Variants in CYTH1 observed in about 807,000 individuals in gnomAD.
The protein encoded by CYTH1 is cytohesin 1.
Under a neutral mutation model 61.8 loss-of-function variants are expected in CYTH1, and 18 were observed. That is an observed-to-expected ratio of 0.29 (90% CI 0.20 to 0.43). CYTH1 has a LOEUF of 0.43. Among genes scored for constraint, CYTH1 ranks in the 20% least tolerant of loss-of-function variants. The pLI is 1.00. For missense variants in CYTH1, 336 were observed against 510.5 expected (o/e 0.66, Z 3.29); for synonymous variants, 174 against 184.3 (o/e 0.94, Z 0.45).
intron 1 of CYTH1, among the ~76,000 whole-genome samples, chr17:78,731,603 C>G (rs1257764370): frequency 1.3e-5 from 2 of 151,826 alleles, no homozygotes; most frequent in East Asian, 3.9e-4. Flanking sequence ...ACTAAAAATA[C>G]AAAAAATAGC....
Position 78,688,643 on chromosome 17 carries a change from G to A in CYTH1, c.891+3774C>T, listed in dbSNP as rs537603793. On this transcript the variant is annotated intron_variant, in intron 11 of 13. Transcript: ENST00000446868. ...AGACACGAAGAATGATGCTTTCAGC[G>A]CAGACATATTTGATGAAGTGGTGGC... Among the ~76,000 whole-genome samples, 12 of 152,344 alleles carry A rather than the reference G, an allele frequency of 7.9e-5. No individual in the cohort carries two copies. In the East Asian group the frequency reaches 2.1e-3, roughly 27 times the overall value.
chr17:78,683,573 C>G (rs1477033427), intron 11 of CYTH1, among the ~76,000 whole-genome samples: 3 of 152,188 alleles, frequency 2.0e-5, no homozygotes, highest in Non-Finnish European at 4.4e-5. Flanking sequence ...TGAGGAGAAG[C>G]TGGGGGTGGG....
chr17:78,737,329 T>C (rs999856123), intron 1 of CYTH1, among the ~76,000 whole-genome samples: 1 of 152,224 alleles, frequency 6.6e-6, no homozygotes, highest in Non-Finnish European at 1.5e-5. Context: ...TGCTATATTG[T>C]TTAAAGAAAA....
intron 1 of CYTH1, among the ~76,000 whole-genome samples, chr17:78,769,738 C>T (rs72849504): frequency 0.11 from 16,223 of 152,160 alleles, 1,227 homozygotes; most frequent in Non-Finnish European, 0.16. Flanking sequence ...ATCTGCGAGC[C>T]GGATGCAGTG....
chr17:78,686,726 G>T (rs1356826422), intron 11 of CYTH1, among the ~76,000 whole-genome samples: 1 of 152,292 alleles, frequency 6.6e-6, no homozygotes, highest in Non-Finnish European at 1.5e-5. Flanking sequence ...AGGCAGGGGA[G>T]GGAAGATGGT....
At chr17:78,722,181 A>G (rs1013671053) in intron 1 of CYTH1, among the ~76,000 whole-genome samples, 3 of 152,264 alleles carry the variant, frequency 2.0e-5, no homozygotes, top group Middle Eastern at 3.2e-3. Context: ...TTAGAAAAAT[A>G]AAGTTAACAT....
rs2093089785 is a variant in CYTH1, at chr17:78,708,251, T to C, written c.116A>G (p.Asp39Gly). 6.2e-7 allele frequency: 1 copy of C among 1,612,584 alleles called. No homozygotes were observed. The highest frequency in any genetic ancestry group is 1.7e-5 in the Admixed American group (1 of 59,580). ...TTCATTAGCTACTTCTGCTATCTCA[T>C]CCTTCAGCCTCTATAAAACAGACAG... ...ELLADIQRLK[D>G]EIAEVANEIE... The change falls in exon 3 of 14, where the codon GAT becomes GGT. Residue 39 changes from aspartate (D) to glycine (G), a missense_variant. By Grantham distance (94) the Asp-to-Gly change is moderately conservative (BLOSUM62 -1). Transcript: ENST00000446868.
intron 9 of CYTH1, among the ~76,000 whole-genome samples, chr17:78,697,395 ATAAAG>A (rs977454639): frequency 6.6e-6 from 1 of 151,986 alleles, no homozygotes. Context: ...GAAACCATTA[ATAAAG>A]TAAACACATG....
At chr17:78,775,716 C>G (rs1446903661) in intron 1 of CYTH1, among the ~76,000 whole-genome samples, 1 of 152,156 alleles carries the variant, frequency 6.6e-6, no homozygotes, top group African/African-American at 2.4e-5. Flanking sequence ...CATTTGAAAA[C>G]TCACCTAAAA....
intron 13 of CYTH1, chr17:78,677,848 C>T (rs895481433): frequency 1.3e-5 from 2 of 152,242 alleles, no homozygotes; most frequent in Non-Finnish European, 2.9e-5. Flanking sequence ...TATCTAGGGC[C>T]AAGGACAGCT....
At chr17:78,710,630 G>C (rs547529437) in intron 1 of CYTH1, among the ~76,000 whole-genome samples, 2 of 152,328 alleles carry the variant, frequency 1.3e-5, no homozygotes, top group African/African-American at 4.8e-5. Context: ...CTTCAGACAA[G>C]TTATGTAACC....
At chr17:78,715,488 C>T (rs2093173067) in intron 1 of CYTH1, among the ~76,000 whole-genome samples, 1 of 152,084 alleles carries the variant, frequency 6.6e-6, no homozygotes, top group Admixed American at 6.5e-5. Context: ...GCCACCAGAC[C>T]GGGTCAGAGC....
intron 1 of CYTH1, among the ~76,000 whole-genome samples, chr17:78,728,634 A>G (rs976898371): frequency 2.0e-5 from 3 of 152,260 alleles, no homozygotes; most frequent in South Asian, 4.1e-4. Context: ...GGGAAAAAAT[A>G]TATATGACAA....
intron 1 of CYTH1, among the ~76,000 whole-genome samples, chr17:78,764,903 CATA>C (rs1003248075): frequency 6.6e-6 from 1 of 152,090 alleles, no homozygotes; most frequent in South Asian, 2.1e-4. Flanking sequence ...GCGTAATAAA[CATA>C]ATGAGTAGGT....
intron 1 of CYTH1, among the ~76,000 whole-genome samples, chr17:78,762,423 A>G (rs182299615): frequency 2.0e-5 from 3 of 152,320 alleles, no homozygotes; most frequent in Non-Finnish European, 4.4e-5. Context: ...ACACTTCCAT[A>G]AGAAGAAAAT....
At chr17:78,780,787 A>C (rs1598936554) in intron 1 of CYTH1, among the ~76,000 whole-genome samples, 1 of 152,098 alleles carries the variant, frequency 6.6e-6, no homozygotes, top group Non-Finnish European at 1.5e-5. Context: ...CGGGTGGATC[A>C]CCTGAGGTCA....
At chr17:78,756,981 T>C (rs1001844351) in intron 1 of CYTH1, among the ~76,000 whole-genome samples, 5 of 148,966 alleles carry the variant, frequency 3.4e-5, no homozygotes, top group Admixed American at 3.3e-4. Flanking sequence ...ATTTTTTTCT[T>C]TTTTTTCTTT....
chr17:78,692,657 C>A (rs2092900397), intron 10 of CYTH1, among the ~76,000 whole-genome samples, 164 bp from the exon 11 acceptor site: 1 of 151,798 alleles, frequency 6.6e-6, no homozygotes, highest in Non-Finnish European at 1.5e-5. Context: ...AGAGCTGAAA[C>A]AGAAGCGTCT....
intron 3 of CYTH1, among the ~76,000 whole-genome samples, chr17:78,704,854 C>A (rs1057226484): frequency 6.6e-6 from 1 of 152,176 alleles, no homozygotes; most frequent in African/African-American, 2.4e-5. Context: ...CACCTGAAAA[C>A]TGTGAGTAGT....
Sources: gnomAD v4.1 joint callset for allele counts (sites outside exome capture counted in the v4.1 genomes callset) on GRCh38, gnomAD v4.1.1 for gene constraint, MANE v1.5 for transcripts, NCBI Gene and HGNC (gene_info 2026-07-23, HGNC 2026-07-21) for gene names.